NKTR: variants seen among roughly 807,000 people sequenced by gnomAD.
NKTR encodes the protein natural killer cell triggering receptor, also known as NK-tumor recognition protein.
In NKTR, 67 loss-of-function variants were observed where a neutral mutation model predicts 156.3. The ratio of observed to expected loss-of-function variants is 0.43; its 90% confidence interval spans 0.35 to 0.53. The LOEUF is 0.53. Among genes scored for constraint, NKTR ranks in the 20% least tolerant of loss-of-function variants. The probability of loss-of-function intolerance (pLI) is 0.01; values close to 1 mark genes in which losing one functional copy is unlikely to be tolerated. For synonymous variants in NKTR, 640 were observed against 596.6 expected (o/e 1.07, Z -1.06); for missense variants, 1,604 against 1,730.9 (o/e 0.93, Z 1.30).
chr3:42,603,218 T>A (rs954247243), intron 2 of NKTR, among the ~76,000 whole-genome samples: 1 of 151,460 alleles, frequency 6.6e-6, no homozygotes, highest in Non-Finnish European at 1.5e-5. Flanking sequence ...AATTTTTTTT[T>A]AATTAGCCAG....
intron 2 of NKTR, among the ~76,000 whole-genome samples, chr3:42,613,235 C>T (rs1400574652): frequency 6.6e-6 from 1 of 152,108 alleles, no homozygotes; most frequent in African/African-American, 2.4e-5. Context: ...AAGATGTGAG[C>T]TTCTTGAAAC....
intron 2 of NKTR, among the ~76,000 whole-genome samples, chr3:42,610,249 GC>G (rs934915787): frequency 6.6e-6 from 1 of 151,850 alleles, no homozygotes; most frequent in Admixed American, 6.6e-5. Context: ...GGTGATCCGC[GC>G]CCCCCACCGC....
rs1577577227 is a variant in NKTR at position 42,639,399 on chromosome 3, T to C, written c.3695T>C (p.Val1232Ala). ...AAGAAATGGAAGCCCCTGCAAGGTG[T>C]GGGGAACCTGGCAGCACCTAATGCT... ...IDKKWKPLQG[V>A]GNLAAPNAAT... Residue 1232 changes from valine to alanine, a missense_variant, in exon 13 of 17, where the codon GTG (valine) becomes GCG (alanine). Coordinates refer to ENST00000232978, the MANE Select transcript of NKTR (RefSeq NM_005385.4). 2 of 1,613,842 alleles carry C rather than the reference T, an allele frequency of 1.2e-6. No homozygotes were observed. The highest frequency in any genetic ancestry group is 1.1e-5 in the South Asian group (1 of 91,074).
chr3:42,632,568 A>C, intron 8 of NKTR, 33 bp from the exon 9 acceptor site: 1 of 1,345,174 alleles, frequency 7.4e-7, no homozygotes, highest in Non-Finnish European at 1.0e-6. Context: ...CACTGAATTT[A>C]GTACTAATGT....
intron 2 of NKTR, chr3:42,602,332 C>G (rs1033193880): frequency 5.9e-5 from 9 of 152,158 alleles, no homozygotes; most frequent in Non-Finnish European, 1.3e-4. Flanking sequence ...GCCGTACCAT[C>G]TAGGTGTGTT....
At chr3:42,628,482 A>T in intron 6 of NKTR, 1 of 985,374 alleles carries the variant, frequency 1.0e-6, no homozygotes, top group African/African-American at 1.7e-5. Context: ...GTTTGCCATA[A>T]AGTGGTTTTT....
At position 42,638,595 on chromosome 3, in the gene NKTR, G is replaced by GTAT. The variant is rs745846788; in HGVS notation, c.2892_2893insATT (p.Cys964_Ser965insIle). On this transcript the variant is annotated inframe_insertion, in exon 13 of 17. Coordinates refer to ENST00000232978, the MANE Select transcript of NKTR (RefSeq NM_005385.4). ...TCAACTTCTGACTCTGAGGGGTCCT[G>GTAT]TTCCAATTCGGAAAACAATAGGGGA... is the stretch of plus-strand genomic sequence containing the variant. 1 of 1,613,888 alleles carries GTAT rather than the reference G, an allele frequency of 6.2e-7. No individual in the cohort carries two copies. The highest frequency in any genetic ancestry group is 1.3e-5 in the African/African-American group (1 of 74,900).
intron 4 of NKTR, 118 bp downstream of exon 4, chr3:42,619,245 A>T: frequency 6.6e-7 from 1 of 1,507,466 alleles, no homozygotes; most frequent in Non-Finnish European, 8.8e-7. Flanking sequence ...GTGGTCAGTG[A>T]ATACTTGTTG....
At chr3:42,618,917 A>C in intron 3 of NKTR, 103 bp from the exon 4 acceptor site, 1 of 948,188 alleles carries the variant, frequency 1.1e-6, no homozygotes, top group South Asian at 1.7e-5. Flanking sequence ...TCCAGTGCCT[A>C]GCACACAGGA....
intron 5 of NKTR, chr3:42,621,226 C>T (rs1707872129): frequency 8.2e-7 from 1 of 1,225,002 alleles, no homozygotes; most frequent in African/African-American, 1.6e-5. Flanking sequence ...TGTTCTTTTC[C>T]TCAAGGCTTT....
chr3:42,620,695 T>A, intron 5 of NKTR: 1 of 984,476 alleles, frequency 1.0e-6, no homozygotes. Context: ...CTCTAAGTGA[T>A]CTTTATCACA....
intron 8 of NKTR, among the ~76,000 whole-genome samples, chr3:42,631,905 C>G (rs1708942190): frequency 6.6e-6 from 1 of 152,108 alleles, no homozygotes. Context: ...TTCTCTTTGT[C>G]TGGAACACCC....
rs774458719 is a variant in NKTR at position 42,619,649 on chromosome 3, G to A, written c.242-15G>A. The A allele has an allele frequency of 3.7e-5, 59 of 1,604,666 alleles. No homozygotes were observed. The Middle Eastern group carries it at 6.6e-4, about 18-fold the overall frequency. ...TTAATGTTCATTATGGCTTAAAGTA[G>A]GTGATTATTTGCAGGTAATGGAAAA... On this transcript the variant is annotated splice_polypyrimidine_tract_variant and intron_variant, in intron 4 of 16. Coordinates refer to ENST00000232978, the MANE Select transcript of NKTR (RefSeq NM_005385.4).
rs981325112 is a variant in NKTR, at chr3:42,643,816, G to A, written c.4200-86G>A. 31 of 919,066 alleles carry A rather than the reference G, an allele frequency of 3.4e-5. No homozygotes were observed. In the African/African-American group the frequency reaches 4.6e-4, roughly 14 times the overall value. The allele number at this position is 919,066 out of a possible 1,614,324, so 56.9% of individuals were successfully genotyped here. A position where few individuals can be genotyped will look rare whatever the true frequency, so the allele number is the denominator to read the frequency against. On this transcript the variant is annotated intron_variant, in intron 15 of 16. Transcript: ENST00000232978. ...CACCTAGTGCCCATGTTCTAAGCTA[G>A]AACACTCCTGAGATCCTAAAAAGAA... is the stretch of plus-strand genomic sequence containing the variant.
At chr3:42,623,589 G>A (rs1190784415) in intron 6 of NKTR, among the ~76,000 whole-genome samples, 4 of 152,000 alleles carry the variant, frequency 2.6e-5, no homozygotes, top group African/African-American at 9.7e-5. Flanking sequence ...GATGGTGGCT[G>A]ATAAAATAAA....
intron 6 of NKTR, among the ~76,000 whole-genome samples, chr3:42,621,934 G>A (rs1244278644): frequency 6.6e-6 from 1 of 151,874 alleles, no homozygotes; most frequent in Admixed American, 6.6e-5. Flanking sequence ...CCATTGCATG[G>A]TTGTTTTTTC....
chr3:42,647,306 T>TGTGG lies in NKTR; in HGVS notation c.*1331_*1332insGTGG. On this transcript the variant is annotated 3_prime_UTR_variant, in exon 17 of 17. Transcript: ENST00000232978. ...TGTGTGTGTGTGTGTGTGTGTGGTT[T>TGTGG]TTTTTTTTAATCTTTACTTTGAATT... 1.7e-5 allele frequency: 1 copy of TGTGG among 59,456 alleles called. No homozygotes were observed. Among genetic ancestry groups the TGTGG allele is most frequent in the Non-Finnish European group, 3.3e-5 (1 of 30,718 alleles). The allele number at this position is 59,456 out of a possible 1,614,324, so 3.7% of individuals were successfully genotyped here.
At chr3:42,635,524 G>C in intron 12 of NKTR, 158 bp downstream of exon 12, 2 of 540,462 alleles carry the variant, frequency 3.7e-6, no homozygotes, top group Non-Finnish European at 3.2e-6. Flanking sequence ...GATGAAAGTA[G>C]TACTGTTAAC....
At chr3:42,602,310 G>C (rs1379870889) in intron 2 of NKTR, 1 of 152,170 alleles carries the variant, frequency 6.6e-6, no homozygotes. Flanking sequence ...ATATAGCTTA[G>C]GTGTGTAGTA....
Sources: allele counts gnomAD v4.1 joint callset (sites outside exome capture counted in the v4.1 genomes callset), GRCh38; gene constraint gnomAD v4.1.1; transcripts MANE v1.5; gene names NCBI Gene and HGNC (gene_info 2026-07-23, HGNC 2026-07-21).